The following MAGI1 variants were observed in gnomAD, a reference collection of about 807,000 sequenced individuals.
The protein encoded by MAGI1 is membrane-associated guanylate kinase, WW and PDZ domain-containing protein 1.
In MAGI1, 58 loss-of-function variants were observed where a neutral mutation model predicts 139.9. The observed-to-expected ratio is 0.41, with a 90% CI of 0.34 to 0.52. The LOEUF (loss-of-function observed/expected upper bound fraction) is 0.52, where lower values mean the gene tolerates loss of function less well. MAGI1 is among the 20% of genes least tolerant of loss of function. MAGI1 has a pLI of 0.12. For missense variants in MAGI1, 1,874 were observed against 1,901.6 expected, an observed-to-expected ratio of 0.99 and a Z score of 0.27; for synonymous variants, 812 against 737.9, an observed-to-expected ratio of 1.10 and a Z score of -1.63.
At chr3:65,516,117 A>C (rs1046037522) in intron 2 of MAGI1, among the ~76,000 whole-genome samples, 7 of 152,166 alleles carry the variant, frequency 4.6e-5, no homozygotes, top group African/African-American at 1.7e-4. Context: ...AGGGTGAGAG[A>C]ATTGCCTGAG....
chr3:65,442,780 A>G lies in MAGI1; in HGVS notation c.1136+12T>C. 1.2e-6 allele frequency: 2 copies of G among 1,605,202 alleles called. No individual in the cohort carries two copies. The highest frequency in any genetic ancestry group is 1.7e-6 in the Non-Finnish European group (2 of 1,172,504). On this transcript the variant is annotated intron_variant, in intron 8 of 22. Transcript: ENST00000402939. Reference sequence around the variant, plus strand: ...GTATAAACTAATGTGTGGATTGTGAATGGGCACTTACTCTACATAGTAGAT... The same window carrying G: ...GTATAAACTAATGTGTGGATTGTGAGTGGGCACTTACTCTACATAGTAGAT...
chr3:65,641,665 G>A (rs1018635661), intron 1 of MAGI1, among the ~76,000 whole-genome samples: 1 of 152,166 alleles, frequency 6.6e-6, no homozygotes, highest in Non-Finnish European at 1.5e-5. Flanking sequence ...ACATCAATGA[G>A]ATAAGGAAGT....
intron 9 of MAGI1, among the ~76,000 whole-genome samples, chr3:65,437,829 C>T (rs991343256): frequency 6.6e-6 from 1 of 152,188 alleles, no homozygotes; most frequent in South Asian, 2.1e-4. Flanking sequence ...TTCAATTGTA[C>T]ATTCTCATTT....
At chr3:65,713,225 G>A (rs1377437876) in intron 1 of MAGI1, among the ~76,000 whole-genome samples, 1 of 152,048 alleles carries the variant, frequency 6.6e-6, no homozygotes, top group Non-Finnish European at 1.5e-5. Flanking sequence ...CCTGTCTTCT[G>A]CTTCCTCTCC....
chr3:65,712,481 C>T (rs923485364), intron 1 of MAGI1, among the ~76,000 whole-genome samples: 11 of 149,466 alleles, frequency 7.4e-5, no homozygotes, highest in African/African-American at 2.7e-4. Context: ...AAGCCATGCG[C>T]GATAATAAAA....
At chr3:65,726,616 T>A (rs1317390721) in intron 1 of MAGI1, among the ~76,000 whole-genome samples, 2 of 152,192 alleles carry the variant, frequency 1.3e-5, no homozygotes, top group Non-Finnish European at 2.9e-5. Context: ...AGAGAATTAT[T>A]GTCTTTTATA....
At chr3:66,003,616 C>T (rs2066869305) in intron 1 of MAGI1, among the ~76,000 whole-genome samples, 1 of 152,008 alleles carries the variant, frequency 6.6e-6, no homozygotes, top group Non-Finnish European at 1.5e-5. Context: ...CACCACAACA[C>T]CCAGTTAATT....
chr3:65,681,671 T>A (rs1576707998), intron 1 of MAGI1, among the ~76,000 whole-genome samples: 1 of 152,350 alleles, frequency 6.6e-6, no homozygotes, highest in Middle Eastern at 3.4e-3. Context: ...TGCAAAGCTA[T>A]CTTGCTTTTA....
chr3:65,426,928 C>T (rs3923375), intron 12 of MAGI1, among the ~76,000 whole-genome samples: 27,967 of 152,000 alleles, frequency 0.18, 3,209 homozygotes, highest in African/African-American at 0.31. Context: ...GCAATATATT[C>T]CGGATTTTTC....
At chr3:65,374,212 C>G (rs1421368896) in intron 18 of MAGI1, among the ~76,000 whole-genome samples, 1 of 151,872 alleles carries the variant, frequency 6.6e-6, no homozygotes, top group Non-Finnish European at 1.5e-5. Context: ...GGACAAGTGT[C>G]ACCTTCCTCC....
chr3:66,031,851 G>A (rs2068616619), intron 1 of MAGI1, among the ~76,000 whole-genome samples: 1 of 151,862 alleles, frequency 6.6e-6, no homozygotes, highest in South Asian at 2.1e-4. Context: ...TAGGCATGAG[G>A]ACACAGGTCC....
At chr3:65,949,760 C>A (rs532276123) in intron 1 of MAGI1, among the ~76,000 whole-genome samples, 12 of 152,274 alleles carry the variant, frequency 7.9e-5, no homozygotes, top group Non-Finnish European at 1.6e-4. Context: ...GTTTCTTTTA[C>A]TTTTATATCT....
chr3:65,714,944 G>A (rs1348920904), intron 1 of MAGI1, among the ~76,000 whole-genome samples: 2 of 152,116 alleles, frequency 1.3e-5, no homozygotes, highest in Non-Finnish European at 2.9e-5. Flanking sequence ...AAACTCAGAA[G>A]GAGCAGGGAC....
intron 1 of MAGI1, among the ~76,000 whole-genome samples, chr3:65,670,031 T>C (rs2086761222): frequency 6.6e-6 from 1 of 152,206 alleles, no homozygotes. Context: ...ATTGCCCCCA[T>C]AAACTTTTGG....
chr3:65,991,305 G>C (rs892284810), intron 1 of MAGI1, among the ~76,000 whole-genome samples: 1 of 97,714 alleles, frequency 1.0e-5, no homozygotes, highest in South Asian at 3.7e-4. Flanking sequence ...AAAAAAAAAA[G>C]GTAAAAAAAA....
intron 14 of MAGI1, among the ~76,000 whole-genome samples, chr3:65,385,336 A>AT (rs1365088205): frequency 6.6e-6 from 1 of 152,168 alleles, no homozygotes; most frequent in Admixed American, 6.5e-5. Context: ...ATGATATATC[A>AT]TTTTTTTAAA....
At chr3:65,496,007 G>T (rs985604466) in intron 2 of MAGI1, among the ~76,000 whole-genome samples, 1 of 152,030 alleles carries the variant, frequency 6.6e-6, no homozygotes, top group Non-Finnish European at 1.5e-5. Flanking sequence ...TCCTTAGAAT[G>T]GTTTTGAGCA....
intron 1 of MAGI1, among the ~76,000 whole-genome samples, chr3:65,720,547 A>C (rs1019669714): frequency 6.6e-6 from 1 of 152,124 alleles, no homozygotes; most frequent in African/African-American, 2.4e-5. Flanking sequence ...CTGTACTTCT[A>C]GAATGTTAGC....
rs751143382 is a variant in MAGI1 at position 65,383,537 on chromosome 3, C to G, written c.2503G>C (p.Glu835Gln). Residue 835 changes from glutamate (E) to glutamine (Q), a missense_variant, in exon 15 of 23, where the codon GAA becomes CAA. Coordinates refer to ENST00000402939, the MANE Select transcript of MAGI1 (RefSeq NM_001033057.2). ...FRILGGNEPGEPIYIGHIVPL... is the reference protein window; with the variant it reads ...FRILGGNEPGQPIYIGHIVPL... ...GAGACAAGCAAAAGACTCACAGGTT[C>G]CCCTGGTTCATTTCCACCCAGAATC... is the stretch of plus-strand genomic sequence containing the variant. 1.2e-6 allele frequency: 2 copies of G among 1,610,870 alleles called. No individual in the cohort carries two copies. Among genetic ancestry groups the G allele is most frequent in the East Asian group, 4.5e-5 (2 of 44,862 alleles).
Sources: gnomAD v4.1 joint callset for allele counts (sites outside exome capture counted in the v4.1 genomes callset) on GRCh38, gnomAD v4.1.1 for gene constraint, MANE v1.5 for transcripts, NCBI Gene and HGNC (gene_info 2026-07-23, HGNC 2026-07-21) for gene names.